The following CATSPERE variants were observed in gnomAD, a reference collection of about 807,000 sequenced individuals.
CATSPERE encodes cation channel sperm-associated auxiliary subunit epsilon.
CATSPERE carries 93 observed loss-of-function variants against 114.1 expected under a neutral mutation model. The observed-to-expected ratio is 0.81, with a 90% CI of 0.69 to 0.97. CATSPERE has a LOEUF of 0.97. CATSPERE is among the 50% of genes least tolerant of loss of function. CATSPERE has a pLI of 0.00. For synonymous variants in CATSPERE, 341 were observed against 384.1 expected (o/e 0.89, Z 1.31); for missense variants, 1,058 against 1,131.6 (o/e 0.93, Z 0.93).
chr1:244,538,252 C>A lies in CATSPERE; in HGVS notation c.537-14070C>A, dbSNP rs538122891. On this transcript the variant is annotated intron_variant, in intron 8 of 21. Coordinates refer to ENST00000366534, the MANE Select transcript of CATSPERE (RefSeq NM_001130957.2). ...AAATTAAAACATGGCAGATTAAGTA[C>A]GTTTATTTATCTCTATTCTCTCCCA... Among the ~76,000 whole-genome samples the A allele has an allele frequency of 7.9e-5, 12 of 152,176 alleles. 1 individual carries two copies. In the South Asian group the frequency reaches 2.5e-3, roughly 32 times the overall value.
At chr1:244,587,082 A>G (rs1667119958) in intron 13 of CATSPERE, among the ~76,000 whole-genome samples, 1 of 152,234 alleles carries the variant, frequency 6.6e-6, no homozygotes, top group African/African-American at 2.4e-5. Context: ...AAGCAGGGTA[A>G]GATATTTTGC....
At chr1:244,509,935 T>G (rs1032689312) in intron 7 of CATSPERE, among the ~76,000 whole-genome samples, 1 of 152,208 alleles carries the variant, frequency 6.6e-6, no homozygotes, top group Non-Finnish European at 1.5e-5. Context: ...AATGTGTCCT[T>G]TTTGTTTCTG....
chr1:244,627,543 C>G (rs1673363534), intron 20 of CATSPERE, among the ~76,000 whole-genome samples: 1 of 151,910 alleles, frequency 6.6e-6, no homozygotes, highest in Non-Finnish European at 1.5e-5. Context: ...CCACTGCCCT[C>G]TAGCCTGGAC....
rs188132892 is a variant in CATSPERE, at chr1:244,478,175, A to G, written c.258+200A>G. 2.6e-5 allele frequency among the ~76,000 whole-genome samples: 4 copies of G among 152,330 alleles called. No individual in the cohort carries two copies. In the East Asian group the frequency reaches 7.7e-4, roughly 29 times the overall value. ...TATATCTCATGTTAAATTCTAAATT[A>G]TAAAATTATATACAATTTTTATCTT... On this transcript the variant is annotated intron_variant, in intron 4 of 21. Coordinates refer to ENST00000366534, the MANE Select transcript of CATSPERE (RefSeq NM_001130957.2).
At chr1:244,510,028 T>C (rs1471537768) in intron 7 of CATSPERE, among the ~76,000 whole-genome samples, 1 of 152,146 alleles carries the variant, frequency 6.6e-6, no homozygotes, top group Non-Finnish European at 1.5e-5. Context: ...AATCAACTTT[T>C]TGTTTTGTTG....
At chr1:244,610,384 C>T in intron 19 of CATSPERE, 58 bp downstream of exon 19, 1 of 1,286,698 alleles carries the variant, frequency 7.8e-7, no homozygotes, top group South Asian at 1.2e-5. Flanking sequence ...TGGCATTTTG[C>T]TATTAACAAA....
intron 20 of CATSPERE, among the ~76,000 whole-genome samples, chr1:244,620,702 C>T (rs1271835282): frequency 6.6e-6 from 1 of 151,884 alleles, no homozygotes; most frequent in Admixed American, 6.6e-5. Flanking sequence ...ACACATACAC[C>T]TTTTAAATGC....
intron 17 of CATSPERE, among the ~76,000 whole-genome samples, chr1:244,595,280 T>G (rs909323899): frequency 3.3e-5 from 5 of 152,024 alleles, no homozygotes; most frequent in Admixed American, 3.3e-4. Context: ...GCAGTGTGGG[T>G]GGATAGTATT....
At chr1:244,466,355 G>A (rs375848892) in intron 2 of CATSPERE, among the ~76,000 whole-genome samples, 1 of 152,096 alleles carries the variant, frequency 6.6e-6, no homozygotes, top group South Asian at 2.1e-4. Context: ...CCTTTGCTTT[G>A]CAGAACAGCT....
At chr1:244,628,440 C>CT (rs1558623538) in intron 20 of CATSPERE, among the ~76,000 whole-genome samples, 3 of 152,130 alleles carry the variant, frequency 2.0e-5, no homozygotes, top group Non-Finnish European at 2.9e-5. Flanking sequence ...AATAGGCTAA[C>CT]CATATGGTGC....
chr1:244,514,686 G>C (rs899591204), intron 7 of CATSPERE, among the ~76,000 whole-genome samples: 2 of 151,942 alleles, frequency 1.3e-5, no homozygotes, highest in Non-Finnish European at 2.9e-5. Context: ...AAAATTAGCT[G>C]GGCGTTGTGG....
At position 244,499,040 on chromosome 1, in the gene CATSPERE, T is replaced by A. The variant is rs760481861; in HGVS notation, c.390T>A (p.Asp130Glu). 3.1e-5 allele frequency: 50 copies of A among 1,613,336 alleles called. No homozygotes were observed. The South Asian group carries it at 4.2e-4, about 13-fold the overall frequency. ...GGGCATATGATCCAGAAAGTGCAGA[T>A]CCTGATGAGTTGCTGGGGAATGCAG... ...TVWAYDPESA[D>E]PDELLGNAEE... The change falls in exon 7 of 22, where the codon GAT becomes GAA. Residue 130 changes from aspartate (D) to glutamate (E), a missense_variant. Physicochemically the swap from Asp to Glu is conservative, Grantham distance 45 (BLOSUM62 2). Coordinates refer to ENST00000366534, the MANE Select transcript of CATSPERE (RefSeq NM_001130957.2).
At position 244,479,170 on chromosome 1, in the gene CATSPERE, C is replaced by T. The variant is rs560998562; in HGVS notation, c.259-547C>T. On this transcript the variant is annotated intron_variant, in intron 4 of 21. Coordinates refer to ENST00000366534, the MANE Select transcript of CATSPERE (RefSeq NM_001130957.2). The stretch of plus-strand genomic sequence containing the variant: ...GTGCAATGGTGCAATCTAGGCTCAC[C>T]GCATCCTCCGCCTCCTGGGTTCAAG... Among the ~76,000 whole-genome samples, 43 of 151,698 alleles carry T rather than the reference C, an allele frequency of 2.8e-4. No homozygotes were observed. In the East Asian group the frequency reaches 7.2e-3, roughly 25 times the overall value.
intron 5 of CATSPERE, among the ~76,000 whole-genome samples, chr1:244,490,005 A>T (rs888367932): frequency 5.3e-5 from 8 of 152,204 alleles, no homozygotes; most frequent in African/African-American, 1.7e-4. Context: ...ACGAGCATTC[A>T]GTGGAGATTG....
chr1:244,461,246 C>T (rs1012692473), upstream of CATSPERE: 13 of 439,464 alleles, frequency 3.0e-5, no homozygotes, highest in African/African-American at 4.1e-5. Flanking sequence ...CTAGGGAGCC[C>T]AGGTAGCGGC....
rs1330027997 is a variant in CATSPERE at position 244,526,650 on chromosome 1, C to CT, written c.536+7969dup. On this transcript the variant is annotated intron_variant, in intron 8 of 21. Coordinates refer to ENST00000366534, the MANE Select transcript of CATSPERE (RefSeq NM_001130957.2). ...ACCAATAGATTGGCTTAGTCTTTTT[C>CT]TTTTTTTTTTTTTTTTTAGACAGGT... Among the ~76,000 whole-genome samples, 262 of 134,376 alleles carry CT rather than the reference C, an allele frequency of 1.9e-3. 1 individual carries two copies. Among genetic ancestry groups the CT allele is most frequent in the Middle Eastern group, 3.8e-3 (1 of 266 alleles). The allele number at this position is 134,376 out of a possible 152,430, so 88.2% of individuals were successfully genotyped here. A position where few individuals can be genotyped will look rare whatever the true frequency, so the allele number is the denominator to read the frequency against.
At chr1:244,536,524 C>T (rs377161929) in intron 8 of CATSPERE, among the ~76,000 whole-genome samples, 1 of 152,182 alleles carries the variant, frequency 6.6e-6, no homozygotes, top group Non-Finnish European at 1.5e-5. Flanking sequence ...GTGTTGCTTT[C>T]CGCTGTGACA....
chr1:244,593,327 A>G (rs1396476715), intron 15 of CATSPERE, 68 bp from the exon 16 acceptor site: 2 of 1,528,760 alleles, frequency 1.3e-6, no homozygotes, highest in South Asian at 2.3e-5. Flanking sequence ...TTACCTAAAC[A>G]AAGTCATGGG....
At chr1:244,466,118 T>C (rs940655702) in intron 2 of CATSPERE, among the ~76,000 whole-genome samples, 1 of 152,242 alleles carries the variant, frequency 6.6e-6, no homozygotes, top group Non-Finnish European at 1.5e-5. Flanking sequence ...CTTGTTATCA[T>C]AGTGAATCAT....
Sources: gnomAD v4.1 joint callset for allele counts (sites outside exome capture counted in the v4.1 genomes callset) on GRCh38, gnomAD v4.1.1 for gene constraint, MANE v1.5 for transcripts, NCBI Gene and HGNC (gene_info 2026-07-23, HGNC 2026-07-21) for gene names.